WRN: variants seen among roughly 807,000 people sequenced by gnomAD.
WRN encodes the protein WRN RecQ like helicase.
Under a neutral mutation model 180.7 loss-of-function variants are expected in WRN, and 149 were observed. The ratio of observed to expected loss-of-function variants is 0.82; its 90% confidence interval spans 0.72 to 0.94. WRN has a LOEUF of 0.94. Among genes scored for constraint, WRN ranks in the 40% least tolerant of loss-of-function variants. The probability of loss-of-function intolerance (pLI) is 0.00; values close to 1 mark genes in which losing one functional copy is unlikely to be tolerated. For missense variants in WRN, 1,661 were observed against 1,700.1 expected (o/e 0.98, Z 0.40); for synonymous variants, 548 against 568.9 (o/e 0.96, Z 0.52).
chr8:31,060,050 C>T (rs11574186), intron 3 of WRN, among the ~76,000 whole-genome samples: 4,505 of 149,406 alleles, frequency 0.03, 204 homozygotes, highest in African/African-American at 0.1. Context: ...AGTGAGGCTC[C>T]GTCTCAAAAA....
intron 18 of WRN, among the ~76,000 whole-genome samples, chr8:31,106,500 C>T (rs1049429450): frequency 2.0e-5 from 3 of 152,118 alleles, no homozygotes; most frequent in Non-Finnish European, 4.4e-5. Flanking sequence ...TGCAGCCACA[C>T]CACCCTCCTT....
chr8:31,043,200 G>A (rs1200441920), intron 1 of WRN, among the ~76,000 whole-genome samples: 1 of 152,170 alleles, frequency 6.6e-6, no homozygotes, highest in Non-Finnish European at 1.5e-5. Context: ...ATGGCTACTT[G>A]CATCAACCAT....
chr8:31,144,742 A>G (rs1403693609), intron 28 of WRN, among the ~76,000 whole-genome samples: 1 of 152,236 alleles, frequency 6.6e-6, no homozygotes, highest in Non-Finnish European at 1.5e-5. Context: ...AAGCTGAGAT[A>G]GGCCAAAAGC....
rs1222292622 is a variant in WRN, at chr8:31,116,476, G to A, written c.2396G>A (p.Ser799Asn). Residue 799 changes from serine (S) to asparagine (N), a missense_variant, in exon 20 of 35, where the codon AGT becomes AAT. Transcript: ENST00000298139. ...TGTGGAACATACCATGCGGGCATGA[G>A]TTTTAGCACAAGGAAAGACATTCAT... ...LSCGTYHAGM[S>N]FSTRKDIHHR... 4 of 1,614,008 alleles carry A rather than the reference G, an allele frequency of 2.5e-6. No homozygotes were observed. Among genetic ancestry groups the A allele is most frequent in the South Asian group, 1.1e-5 (1 of 91,082 alleles).
At chr8:31,091,510 T>C (rs899691363) in intron 15 of WRN, among the ~76,000 whole-genome samples, 13 of 152,084 alleles carry the variant, frequency 8.5e-5, no homozygotes, top group African/African-American at 3.1e-4. Context: ...AGTGTTGTTG[T>C]TAACTATAGT....
At chr8:31,064,229 A>C (rs1812605250) in intron 3 of WRN, 60 bp from the exon 4 acceptor site, 1 of 1,592,528 alleles carries the variant, frequency 6.3e-7, no homozygotes, top group African/African-American at 1.3e-5. Context: ...TTATGTCTTT[A>C]GTTATGCAGA....
Position 31,150,530 on chromosome 8 carries a change from A to G in WRN, c.3687+75A>G, listed in dbSNP as rs926777592. 3.6e-5 allele frequency: 46 copies of G among 1,268,224 alleles called. No individual in the cohort carries two copies. In the South Asian group the frequency reaches 5.3e-4, roughly 15 times the overall value. The allele number at this position is 1,268,224 out of a possible 1,614,324, so 78.6% of individuals were successfully genotyped here. A position where few individuals can be genotyped will look rare whatever the true frequency, so the allele number is the denominator to read the frequency against. On this transcript the variant is annotated intron_variant, in intron 31 of 34. Transcript: ENST00000298139. Reference sequence around the variant, plus strand: ...AACCATTTCAAAAGTACCCTCCAGAAGCAACATTTGCTCACTTTATTTGCA... The same window carrying G: ...AACCATTTCAAAAGTACCCTCCAGAGGCAACATTTGCTCACTTTATTTGCA...
At chr8:31,145,225 T>C (rs1802812727) in intron 28 of WRN, among the ~76,000 whole-genome samples, 1 of 152,220 alleles carries the variant, frequency 6.6e-6, no homozygotes, top group East Asian at 1.9e-4. Flanking sequence ...AGTACTTTCA[T>C]AGCTAGAGAG....
intron 13 of WRN, 28 bp downstream of exon 13, chr8:31,088,993 A>G: frequency 6.3e-7 from 1 of 1,588,498 alleles, no homozygotes; most frequent in Admixed American, 1.7e-5. Context: ...TAATCAAATC[A>G]CATATTTAGT....
At chr8:31,159,535 TA>T (rs1416717714) in intron 33 of WRN, among the ~76,000 whole-genome samples, 2 of 151,780 alleles carry the variant, frequency 1.3e-5, no homozygotes, top group Admixed American at 1.3e-4. Flanking sequence ...AGTTATAATT[TA>T]AAAAAATTAT....
intron 1 of WRN, among the ~76,000 whole-genome samples, chr8:31,051,484 A>T (rs1033717827): frequency 6.6e-6 from 1 of 152,202 alleles, no homozygotes; most frequent in East Asian, 1.9e-4. Flanking sequence ...CGTGATTTCT[A>T]TTGACATGAA....
At chr8:31,042,791 T>C (rs929777475) in intron 1 of WRN, among the ~76,000 whole-genome samples, 1 of 152,204 alleles carries the variant, frequency 6.6e-6, no homozygotes, top group Admixed American at 6.5e-5. Flanking sequence ...ATAGAAATGA[T>C]AGGAATGCCT....
rs147802438 is a variant in WRN at position 31,132,476 on chromosome 8, T to C, written c.2937T>C (p.Ile979=). 4 of 1,614,072 alleles carry C rather than the reference T, an allele frequency of 2.5e-6. No individual in the cohort carries two copies. The highest frequency in any genetic ancestry group is 1.3e-5 in the African/African-American group (1 of 74,942). Residue 979 remains isoleucine, a synonymous_variant, in exon 24 of 35, where the codon ATT becomes ATC. Coordinates refer to ENST00000298139, the MANE Select transcript of WRN (RefSeq NM_000553.6). ...ACATCTTAGGCGAAAAATTTGGAAT[T>C]GGGCTTCCAATTTTATTTCTCCGAG... is the stretch of plus-strand genomic sequence containing the variant. The part of the protein sequence containing the change: ...AVDILGEKFG[I]GLPILFLRGS...
rs376973834 is a variant in WRN, at chr8:31,143,208, G to A, written c.3310-342G>A. 4.6e-5 allele frequency among the ~76,000 whole-genome samples: 7 copies of A among 152,234 alleles called. 1 individual carries two copies. Among genetic ancestry groups the A allele is most frequent in the African/African-American group, 1.7e-4 (7 of 41,552 alleles). ...ATTAGAACACTGGAATAATAGGCAA[G>A]CATAGTGAATTACATTTTCTGGTGA... On this transcript the variant is annotated intron_variant, in intron 27 of 34. Coordinates refer to ENST00000298139, the MANE Select transcript of WRN (RefSeq NM_000553.6).
intron 16 of WRN, 63 bp from the exon 17 acceptor site, chr8:31,096,705 A>G: frequency 7.8e-7 from 1 of 1,284,786 alleles, no homozygotes; most frequent in Non-Finnish European, 1.1e-6. Context: ...TGTTTTCTTT[A>G]TTGTTAATAT....
chr8:31,162,112 A>G (rs1803647053), intron 33 of WRN, among the ~76,000 whole-genome samples: 1 of 152,140 alleles, frequency 6.6e-6, no homozygotes, highest in Admixed American at 6.5e-5. Flanking sequence ...TCTTTTGCCA[A>G]TAATAAATTA....
intron 1 of WRN, among the ~76,000 whole-genome samples, chr8:31,054,044 A>C (rs1430364368): frequency 6.6e-6 from 1 of 152,202 alleles, no homozygotes; most frequent in African/African-American, 2.4e-5. Flanking sequence ...ATGGTGAAAA[A>C]GGAGTTTTCA....
chr8:31,128,520 G>T lies in WRN; in HGVS notation c.2825+3520G>T, dbSNP rs1210213399. On this transcript the variant is annotated intron_variant, in intron 23 of 34. Transcript: ENST00000298139. ...TTGTTTGTAGCACACTGATTGAGAA[G>T]CACTGAAAGACTTCACTCCTCAAAC... Among the ~76,000 whole-genome samples, 16 of 152,292 alleles carry T rather than the reference G, an allele frequency of 1.1e-4. No individual in the cohort carries two copies. The East Asian group carries it at 3.1e-3, about 29-fold the overall frequency.
At chr8:31,094,909 A>C (rs1264602446) in intron 16 of WRN, among the ~76,000 whole-genome samples, 1 of 152,204 alleles carries the variant, frequency 6.6e-6, no homozygotes, top group African/African-American at 2.4e-5. Context: ...TGTTATGAAT[A>C]ATGATGCTGT....
Sources: gnomAD v4.1 joint callset for allele counts (sites outside exome capture counted in the v4.1 genomes callset) on GRCh38, gnomAD v4.1.1 for gene constraint, MANE v1.5 for transcripts, NCBI Gene and HGNC (gene_info 2026-07-23, HGNC 2026-07-21) for gene names.